The following GALNTL6 variants were observed in gnomAD, a reference collection of about 807,000 sequenced individuals.
GALNTL6 encodes polypeptide N-acetylgalactosaminyltransferase like 6.
In GALNTL6, 46 loss-of-function variants were observed where a neutral mutation model predicts 73.7. The ratio of observed to expected loss-of-function variants is 0.62; its 90% CI spans 0.49 to 0.80. The LOEUF is 0.80. Among genes scored for constraint, GALNTL6 ranks in the 30% least tolerant of loss-of-function variants. The pLI is 0.00. For missense variants in GALNTL6, 604 were observed against 755.0 expected (o/e 0.80, Z 2.34); for synonymous variants, 259 against 263.7 (o/e 0.98, Z 0.17).
intron 2 of GALNTL6, among the ~76,000 whole-genome samples, chr4:171,833,732 A>T (rs1735034957): frequency 6.6e-6 from 1 of 151,838 alleles, no homozygotes; most frequent in Non-Finnish European, 1.5e-5. Context: ...ATTAGCATAG[A>T]CTTTGAGCTA....
intron 5 of GALNTL6, among the ~76,000 whole-genome samples, chr4:172,673,031 C>T (rs1273443613): frequency 1.3e-5 from 2 of 152,104 alleles, no homozygotes; most frequent in Non-Finnish European, 2.9e-5. Context: ...TTCAGTTCAG[C>T]TCTGATTTTG....
At chr4:171,833,283 A>T (rs567543357) in intron 2 of GALNTL6, among the ~76,000 whole-genome samples, 1 of 151,790 alleles carries the variant, frequency 6.6e-6, no homozygotes, top group East Asian at 1.9e-4. Flanking sequence ...ATATTTTATT[A>T]TAAATATTAT....
At chr4:172,570,838 G>C (rs901560540) in intron 5 of GALNTL6, among the ~76,000 whole-genome samples, 2 of 152,082 alleles carry the variant, frequency 1.3e-5, no homozygotes, top group Non-Finnish European at 2.9e-5. Context: ...CCTTCAACTA[G>C]ATGGTCCCAT....
intron 2 of GALNTL6, among the ~76,000 whole-genome samples, chr4:171,943,120 T>A (rs1442040188): frequency 6.6e-6 from 1 of 152,210 alleles, no homozygotes; most frequent in Non-Finnish European, 1.5e-5. Context: ...AGGAGTTCCC[T>A]CCCATCAAAC....
chr4:172,388,384 G>A (rs1177119589), intron 5 of GALNTL6, among the ~76,000 whole-genome samples: 1 of 152,126 alleles, frequency 6.6e-6, no homozygotes, highest in Non-Finnish European at 1.5e-5. Context: ...CTTCAAAGTT[G>A]CTAATCTTCA....
At chr4:172,540,276 A>C (rs1218866204) in intron 5 of GALNTL6, among the ~76,000 whole-genome samples, 1 of 151,632 alleles carries the variant, frequency 6.6e-6, no homozygotes, top group African/African-American at 2.4e-5. Flanking sequence ...TCCTGACCTC[A>C]TTATCCGCCC....
intron 2 of GALNTL6, among the ~76,000 whole-genome samples, chr4:171,998,657 A>T (rs926543955): frequency 6.6e-6 from 1 of 152,188 alleles, no homozygotes; most frequent in African/African-American, 2.4e-5. Context: ...ATATTATTTT[A>T]ATAATGAATT....
At chr4:172,316,696 A>G (rs192828365) in intron 4 of GALNTL6, among the ~76,000 whole-genome samples, 8 of 152,362 alleles carry the variant, frequency 5.3e-5, no homozygotes, top group Admixed American at 3.3e-4. Flanking sequence ...AGATAGCCCC[A>G]GAAACGATTT....
At chr4:172,524,059 T>C (rs1450312548) in intron 5 of GALNTL6, among the ~76,000 whole-genome samples, 1 of 152,194 alleles carries the variant, frequency 6.6e-6, no homozygotes, top group African/African-American at 2.4e-5. Context: ...TTTATAGTTT[T>C]ACTACGTAAG....
At chr4:172,602,156 A>T (rs982101372) in intron 5 of GALNTL6, among the ~76,000 whole-genome samples, 1 of 152,140 alleles carries the variant, frequency 6.6e-6, no homozygotes, top group African/African-American at 2.4e-5. Flanking sequence ...ATATTTTCAG[A>T]CAAAAGAAAC....
At chr4:172,772,223 G>A (rs910157493) in intron 5 of GALNTL6, among the ~76,000 whole-genome samples, 1 of 152,158 alleles carries the variant, frequency 6.6e-6, no homozygotes, top group African/African-American at 2.4e-5. Context: ...TTCAAAATGA[G>A]ATTTGTGTGG....
chr4:172,183,951 C>A (rs1479028179), intron 2 of GALNTL6, among the ~76,000 whole-genome samples: 1 of 152,046 alleles, frequency 6.6e-6, no homozygotes, highest in Non-Finnish European at 1.5e-5. Context: ...CACCACCACA[C>A]CCGGCTAATT....
intron 2 of GALNTL6, among the ~76,000 whole-genome samples, chr4:172,062,831 G>A (rs1473599573): frequency 1.3e-5 from 2 of 152,190 alleles, no homozygotes; most frequent in East Asian, 1.9e-4. Flanking sequence ...CTATCAGAGA[G>A]ACTATGAGTA....
At chr4:172,735,031 A>G (rs1397025669) in intron 5 of GALNTL6, among the ~76,000 whole-genome samples, 1 of 152,252 alleles carries the variant, frequency 6.6e-6, no homozygotes, top group East Asian at 1.9e-4. Context: ...ATGGCAGTGC[A>G]GAAGGGAAAT....
intron 10 of GALNTL6, among the ~76,000 whole-genome samples, chr4:172,979,890 G>A (rs756702712): frequency 1.3e-5 from 2 of 152,144 alleles, no homozygotes; most frequent in East Asian, 1.9e-4. Context: ...TGTCCTCCCC[G>A]CAATTTGAAG....
intron 8 of GALNTL6, among the ~76,000 whole-genome samples, chr4:172,898,696 A>G (rs776758279): frequency 2.2e-4 from 34 of 152,228 alleles, no homozygotes; most frequent in Non-Finnish European, 4.3e-4. Flanking sequence ...ATGTATGCAT[A>G]AAAAGCAAAT....
chr4:171,875,992 A>G (rs992785752), intron 2 of GALNTL6, among the ~76,000 whole-genome samples: 1 of 151,922 alleles, frequency 6.6e-6, no homozygotes, highest in Non-Finnish European at 1.5e-5. Context: ...ATAGTTTAAA[A>G]CTATGTTTAG....
chr4:172,568,980 T>C (rs1736666688), intron 5 of GALNTL6, among the ~76,000 whole-genome samples: 1 of 151,524 alleles, frequency 6.6e-6, no homozygotes, highest in Non-Finnish European at 1.5e-5. Flanking sequence ...AAGAGAATTC[T>C]TCTTCCAGTG....
intron 5 of GALNTL6, among the ~76,000 whole-genome samples, chr4:172,756,120 C>A (rs985634089): frequency 6.6e-6 from 1 of 152,142 alleles, no homozygotes; most frequent in Admixed American, 6.5e-5. Context: ...CTTAGCAATG[C>A]AAGCGCTTCA....
Sources: gnomAD v4.1 joint callset for allele counts (sites outside exome capture counted in the v4.1 genomes callset) on GRCh38, gnomAD v4.1.1 for gene constraint, MANE v1.5 for transcripts, NCBI Gene and HGNC (gene_info 2026-07-23, HGNC 2026-07-21) for gene names.